The following TACO1 variants were observed in gnomAD, a reference collection of about 807,000 sequenced individuals.
TACO1 encodes translational activator of cytochrome c oxidase 1.
In TACO1, 13 loss-of-function variants were observed where a neutral mutation model predicts 24.0. The ratio of observed to expected loss-of-function variants is 0.54; its 90% CI spans 0.35 to 0.86. The LOEUF is 0.86. TACO1 is among the 40% of genes least tolerant of loss of function. TACO1 has a pLI of 0.01. For missense variants in TACO1, 352 were observed against 380.1 expected (o/e 0.93, Z 0.61); for synonymous variants, 149 against 153.5 (o/e 0.97, Z 0.22).
chr17:63,607,157 G>A (rs1237539446), intron 3 of TACO1, 130 bp from the exon 4 acceptor site: 4 of 854,622 alleles, frequency 4.7e-6, no homozygotes, highest in East Asian at 5.3e-5. Context: ...CCTTGAGGAT[G>A]CGATCTGCTC....
intron 4 of TACO1, 119 bp from the exon 5 acceptor site, chr17:63,607,683 T>C (rs2033873486): frequency 1.9e-6 from 2 of 1,065,254 alleles, no homozygotes; most frequent in East Asian, 4.8e-5. Context: ...TCCCTGCCAG[T>C]GAAGAGCTCA....
In TACO1 at chr17:63,604,659, G is replaced by A; in HGVS notation, c.387+19G>A. On this transcript the variant is annotated intron_variant, in intron 2 of 4. Transcript: ENST00000258975. The stretch of plus-strand genomic sequence containing the variant: ...AATGGAGGTGTGTACTGTTTGACAT[G>A]CTTTTTATTGATCACAGCCTCTACC... 1 of 1,603,090 alleles carries A rather than the reference G, an allele frequency of 6.2e-7. No homozygotes were observed. Among genetic ancestry groups the A allele is most frequent in the Non-Finnish European group, 8.5e-7 (1 of 1,170,030 alleles).
Position 63,607,378 on chromosome 17 carries a change from C to G in TACO1, c.607C>G (p.Leu203Val), listed in dbSNP as rs1195234774. ...GGACAGAGAGAAGAAGGCTGTGAAC[C>G]TAGAGCGTGCCCTGGAGATGGCAAT... is the stretch of plus-strand genomic sequence containing the variant. ...VEDREKKAVNLERALEMAIEA... is the reference protein window; with the variant it reads ...VEDREKKAVNVERALEMAIEA... The change falls in exon 4 of 5, where the codon CTA (leucine) becomes GTA (valine). Residue 203 changes from leucine to valine, a missense_variant. Coordinates refer to ENST00000258975, the MANE Select transcript of TACO1 (RefSeq NM_016360.4). The G allele has an allele frequency of 6.2e-7, 1 of 1,614,190 alleles. No homozygotes were observed. The highest frequency in any genetic ancestry group is 2.2e-5 in the East Asian group (1 of 44,888).
chr17:63,607,093 G>T (rs570628339), intron 3 of TACO1, 194 bp from the exon 4 acceptor site: 3 of 622,880 alleles, frequency 4.8e-6, no homozygotes, highest in East Asian at 5.6e-5. Flanking sequence ...GCAGAAAATC[G>T]AGCGTGGGGA....
At chr17:63,602,096 A>AAG (rs2033826355) in intron 1 of TACO1, among the ~76,000 whole-genome samples, 3 of 150,006 alleles carry the variant, frequency 2.0e-5, no homozygotes, top group African/African-American at 7.3e-5. Flanking sequence ...ATAACAAAAA[A>AAG]AAAAAAAAAA....
At chr17:63,605,045 G>A (rs1252096216) in intron 2 of TACO1, among the ~76,000 whole-genome samples, 1 of 151,832 alleles carries the variant, frequency 6.6e-6, no homozygotes, top group Non-Finnish European at 1.5e-5. Flanking sequence ...CAGAGAGAAC[G>A]GTAGCAATGT....
In TACO1 at chr17:63,605,001, G is replaced by A. The variant is rs9898459; in HGVS notation, c.387+361G>A. On this transcript the variant is annotated intron_variant, in intron 2 of 4. Transcript: ENST00000258975. ...TGCACTCCAGCCTGGGCGACAGAGCGAGACTCTGTCTCAAAAAAAAAAAAA... is the reference window on the plus strand; with the variant it reads ...TGCACTCCAGCCTGGGCGACAGAGCAAGACTCTGTCTCAAAAAAAAAAAAA... 7.1e-3 allele frequency among the ~76,000 whole-genome samples: 1,069 copies of A among 150,352 alleles called. 16 individuals carry two copies. The highest frequency in any genetic ancestry group is 0.024 in the African/African-American group (981 of 40,830).
intron 1 of TACO1, 126 bp downstream of exon 1, chr17:63,601,489 C>T (rs947964418): frequency 1.9e-5 from 18 of 965,444 alleles, no homozygotes; most frequent in Non-Finnish European, 2.4e-5. Flanking sequence ...TTCCCCAGTA[C>T]CCACCATTGC....
intron 3 of TACO1, 31 bp downstream of exon 3, chr17:63,606,471 G>A (rs759334963): frequency 6.2e-7 from 1 of 1,613,336 alleles, no homozygotes; most frequent in East Asian, 2.2e-5. Context: ...AGTGGTAGGG[G>A]ACAGAGCCTT....
chr17:63,604,712 A>G (rs1190600829), intron 2 of TACO1, 72 bp downstream of exon 2: 2 of 1,367,148 alleles, frequency 1.5e-6, no homozygotes, highest in East Asian at 4.6e-5. Flanking sequence ...GCCAACAAAC[A>G]CACTGTAAAT....
At position 63,607,224 on chromosome 17, in the gene TACO1, G is replaced by A. The variant is rs2033869062; in HGVS notation, c.516-63G>A. The A allele has an allele frequency of 1.2e-5, 17 of 1,442,210 alleles. No homozygotes were observed. The South Asian group carries it at 1.9e-4, about 16-fold the overall frequency. 89.3% of individuals were successfully genotyped at this position (1,442,210 alleles called of 1,614,324 possible). A position where few individuals can be genotyped will look rare whatever the true frequency, so the allele number is the denominator to read the frequency against. ...GAAAGAGACAGTGATAGAATGATGA[G>A]CTTTATGGAGGCTGAGCTTCTAGAG... On this transcript the variant is annotated intron_variant, in intron 3 of 4. Transcript: ENST00000258975.
At position 63,606,375 on chromosome 17, in the gene TACO1, C is replaced by T. The variant is rs1242015445; in HGVS notation, c.450C>T (p.Ile150=). The change falls in exon 3 of 5, where the codon ATC becomes ATT. Residue 150 remains isoleucine, a synonymous_variant. Transcript: ENST00000258975. ...GCCCTGGTGGCTCTTCTCTGCTCAT[C>T]GAGGCATTATCTAACAGTAGCCACA... ...GRGPGGSSLL[I]EALSNSSHKC... is the part of the protein sequence containing the mutation. 4.3e-6 allele frequency: 7 copies of T among 1,614,002 alleles called. No homozygotes were observed. The highest frequency in any genetic ancestry group is 1.7e-4 in the Middle Eastern group (1 of 6,042).
chr17:63,607,869 T>C lies in TACO1; in HGVS notation c.761T>C (p.Val254Ala). 6.2e-7 allele frequency: 1 copy of C among 1,614,190 alleles called. No individual in the cohort carries two copies. The highest frequency in any genetic ancestry group is 8.5e-7 in the Non-Finnish European group (1 of 1,180,038). The change falls in exon 5 of 5, where the codon GTG becomes GCG. Residue 254 changes from valine to alanine, a missense_variant. Physicochemically the swap from Val to Ala is moderately conservative, Grantham distance 64. Transcript: ENST00000258975. ...KKLDSLGLCS[V>A]SCALEFIPNS... ...CTGGACTCCCTGGGCCTGTGTTCTG[T>C]GTCCTGTGCACTAGAGTTCATCCCC...
chr17:63,604,929 G>A (rs765144461), intron 2 of TACO1, among the ~76,000 whole-genome samples: 3 of 151,522 alleles, frequency 2.0e-5, no homozygotes, highest in Non-Finnish European at 2.9e-5. Context: ...GTGGAGGATC[G>A]CTTGAACCCA....
In TACO1 at chr17:63,607,415, C is replaced by T. The variant is rs778790809; in HGVS notation, c.644C>T (p.Ala215Val). 3 of 1,614,118 alleles carry T rather than the reference C, an allele frequency of 1.9e-6. No individual in the cohort carries two copies. Among genetic ancestry groups the T allele is most frequent in the Non-Finnish European group, 2.5e-6 (3 of 1,180,022 alleles). The change falls in exon 4 of 5, where the codon GCT (alanine) becomes GTT (valine). Residue 215 changes from alanine to valine, a missense_variant. By Grantham distance (64) the Ala-to-Val change is moderately conservative. Coordinates refer to ENST00000258975, the MANE Select transcript of TACO1 (RefSeq NM_016360.4). ...CTGGAGATGGCAATCGAAGCAGGAG[C>T]TGAGGATGTCAAGGAAACTGAAGAT... ...RALEMAIEAG[A>V]EDVKETEDEE...
At chr17:63,606,256 C>A in intron 2 of TACO1, 57 bp from the exon 3 acceptor site, 1 of 1,609,190 alleles carries the variant, frequency 6.2e-7, no homozygotes, top group Non-Finnish European at 8.5e-7. Flanking sequence ...TAGTTCTGGG[C>A]TGACATGTGG....
rs563612127 is a variant in TACO1, at chr17:63,607,878, C to A, written c.770C>A (p.Ala257Glu). The A allele has an allele frequency of 1.2e-6, 2 of 1,614,206 alleles. No homozygotes were observed. Among genetic ancestry groups the A allele is most frequent in the East Asian group, 2.2e-5 (1 of 44,888 alleles). ...CTGGGCCTGTGTTCTGTGTCCTGTG[C>A]ACTAGAGTTCATCCCCAACTCAAAG... The part of the protein sequence containing the change: ...DSLGLCSVSC[A>E]LEFIPNSKVQ... Residue 257 changes from alanine (A) to glutamate (E), a missense_variant, in exon 5 of 5, where the codon GCA becomes GAA. Physicochemically the swap from Ala to Glu is moderately radical, Grantham distance 107 (BLOSUM62 -1). Coordinates refer to ENST00000258975, the MANE Select transcript of TACO1 (RefSeq NM_016360.4).
In TACO1 at chr17:63,601,166, C is replaced by T. The variant is rs2033817297; in HGVS notation, c.83C>T (p.Pro28Leu). ...CGAGGCCCCGGGGTCAGGGCGGCTC[C>T]TCCGCGCGACCCCCGGCCCTCCCAC... ...LARGPGVRAA[P>L]PRDPRPSHPE... Residue 28 changes from proline (P) to leucine (L), a missense_variant, in exon 1 of 5, where the codon CCT becomes CTT. Coordinates refer to ENST00000258975, the MANE Select transcript of TACO1 (RefSeq NM_016360.4). 6 of 1,546,160 alleles carry T rather than the reference C, an allele frequency of 3.9e-6. No homozygotes were observed. The highest frequency in any genetic ancestry group is 5.2e-6 in the Non-Finnish European group (6 of 1,146,010).
At chr17:63,602,836 CA>C (rs1256815507) in intron 1 of TACO1, among the ~76,000 whole-genome samples, 1 of 152,120 alleles carries the variant, frequency 6.6e-6, no homozygotes, top group Non-Finnish European at 1.5e-5. Flanking sequence ...CAATGAAGTT[CA>C]ACCAACTTGT....
Sources: gnomAD v4.1 joint callset for allele counts (sites outside exome capture counted in the v4.1 genomes callset) on GRCh38, gnomAD v4.1.1 for gene constraint, MANE v1.5 for transcripts, NCBI Gene and HGNC (gene_info 2026-07-23, HGNC 2026-07-21) for gene names.